The following ABHD2 variants were observed in gnomAD, a reference collection of about 807,000 sequenced individuals.
The protein encoded by ABHD2 is monoacylglycerol lipase ABHD2.
A neutral mutation model predicts 48.1 loss-of-function variants in ABHD2; 20 were observed. The ratio of observed to expected loss-of-function variants is 0.42; its 90% CI spans 0.29 to 0.60. ABHD2 has a LOEUF of 0.60. Among genes scored for constraint, ABHD2 ranks in the 20% least tolerant of loss-of-function variants. The probability of loss-of-function intolerance (pLI) is 0.24; values close to 1 mark genes in which losing one functional copy is unlikely to be tolerated. For missense variants in ABHD2, 405 were observed against 550.9 expected (o/e 0.74, Z 2.65); for synonymous variants, 209 against 214.2 (o/e 0.98, Z 0.21).
chr15:89,107,334 A>G (rs903440079), intron 1 of ABHD2, among the ~76,000 whole-genome samples: 9 of 152,192 alleles, frequency 5.9e-5, no homozygotes, highest in African/African-American at 2.2e-4. Flanking sequence ...AAGAATCAAG[A>G]AGAGTATGTC....
intron 5 of ABHD2, among the ~76,000 whole-genome samples, chr15:89,158,180 CTT>C (rs2050705218): frequency 1.3e-5 from 2 of 152,136 alleles, no homozygotes; most frequent in African/African-American, 2.4e-5. Context: ...GGCACAATCT[CTT>C]TTATCTCCAC....
intron 3 of ABHD2, among the ~76,000 whole-genome samples, chr15:89,119,526 C>G (rs746912982): frequency 6.6e-6 from 1 of 152,186 alleles, no homozygotes; most frequent in Non-Finnish European, 1.5e-5. Flanking sequence ...TTCAGTCTTA[C>G]CAACCTTAAG....
At chr15:89,158,126 G>A (rs76507207) in intron 5 of ABHD2, among the ~76,000 whole-genome samples, 1 of 152,084 alleles carries the variant, frequency 6.6e-6, no homozygotes, top group African/African-American at 2.4e-5. Context: ...TGTGCCAGTG[G>A]GAACACTTAA....
chr15:89,148,771 T>G (rs375417963), intron 3 of ABHD2, among the ~76,000 whole-genome samples: 1 of 152,204 alleles, frequency 6.6e-6, no homozygotes, highest in South Asian at 2.1e-4. Flanking sequence ...ATGGAATAAG[T>G]GGAATTATTG....
chr15:89,048,908 A>AGC, the ABHD2 span, among the ~76,000 whole-genome samples: 5 of 122,452 alleles, frequency 4.1e-5, no homozygotes, highest in African/African-American at 6.9e-5. Flanking sequence ...CGTCAAAGTC[A>AGC]TTTGTTCCGT....
intron 3 of ABHD2, among the ~76,000 whole-genome samples, chr15:89,122,854 TAGG>T (rs1306847974): frequency 2.6e-5 from 4 of 152,202 alleles, no homozygotes; most frequent in African/African-American, 7.2e-5. Context: ...TGAAGGCATT[TAGG>T]AGGAGTGTGA....
chr15:89,085,069 C>A (rs145370066), upstream of ABHD2, among the ~76,000 whole-genome samples: 5 of 152,284 alleles, frequency 3.3e-5, no homozygotes, highest in African/African-American at 1.2e-4. This position sits in a 1 kb window ranked among gnomAD's most constrained non-coding sequence, Gnocchi z 4.2. Flanking sequence ...ATATTATCTG[C>A]TCCAACCACT....
the ABHD2 span, among the ~76,000 whole-genome samples, chr15:89,043,944 G>T: frequency 1.0e-4 from 15 of 149,182 alleles, no homozygotes; most frequent in African/African-American, 3.2e-4. Context: ...GGGTACATGT[G>T]CACAATGTGC....
the ABHD2 span, among the ~76,000 whole-genome samples, chr15:89,053,362 GT>G: frequency 0.019 from 2,858 of 152,214 alleles, 88 homozygotes; most frequent in African/African-American, 0.063. Context: ...ACTAATACAG[GT>G]ATTAGAGTAC....
At chr15:89,169,383 T>C (rs2050884642) in intron 5 of ABHD2, among the ~76,000 whole-genome samples, 1 of 152,204 alleles carries the variant, frequency 6.6e-6, no homozygotes, top group South Asian at 2.1e-4. Flanking sequence ...GGCTGAACAC[T>C]GTACATCTGT....
rs979810086 is a variant in ABHD2 at position 89,151,583 on chromosome 15, A to C, written c.195-94A>C. ...TGCTTTGTGTGCAGAATTTCCCTGGAACAAAAATAGGTTGAAAGAGTTTTG... is the reference window on the plus strand; with the variant it reads ...TGCTTTGTGTGCAGAATTTCCCTGGCACAAAAATAGGTTGAAAGAGTTTTG... On this transcript the variant is annotated intron_variant, in intron 3 of 10. Coordinates refer to ENST00000352732, the MANE Select transcript of ABHD2 (RefSeq NM_152924.5). The surrounding 1 kb of genome is among the most constrained non-coding windows in gnomAD (Gnocchi z 4.7). 3 of 1,412,998 alleles carry C rather than the reference A, an allele frequency of 2.1e-6. No homozygotes were observed. The highest frequency in any genetic ancestry group is 2.7e-5 in the South Asian group (2 of 73,360). 87.5% of individuals were successfully genotyped at this position (1,412,998 alleles called of 1,614,324 possible).
At chr15:89,170,505 A>G (rs1190600475) in intron 5 of ABHD2, among the ~76,000 whole-genome samples, 2 of 152,172 alleles carry the variant, frequency 1.3e-5, no homozygotes, top group East Asian at 3.8e-4. Context: ...AAAATGCTGC[A>G]GTGAACATTC....
At chr15:89,112,051 G>T (rs1348703302) in intron 1 of ABHD2, among the ~76,000 whole-genome samples, 1 of 152,072 alleles carries the variant, frequency 6.6e-6, no homozygotes, top group African/African-American at 2.4e-5. Flanking sequence ...ATATTCAGAT[G>T]CTTACGGGGA....
At chr15:89,122,275 G>A (rs1022837438) in intron 3 of ABHD2, among the ~76,000 whole-genome samples, 3 of 152,160 alleles carry the variant, frequency 2.0e-5, no homozygotes, top group Admixed American at 1.3e-4. Context: ...CTTGTTTTAT[G>A]AGAATTTGTG....
chr15:89,122,935 T>C (rs970291284), intron 3 of ABHD2, among the ~76,000 whole-genome samples: 1 of 152,246 alleles, frequency 6.6e-6, no homozygotes, highest in Non-Finnish European at 1.5e-5. Context: ...AAGAGACATC[T>C]AGAAGCCCCT....
rs1313838249 is a variant in ABHD2 at position 89,162,038 on chromosome 15, C to T, written c.538+6504C>T. Among the ~76,000 whole-genome samples the T allele has an allele frequency of 9.9e-5, 15 of 152,248 alleles. No individual in the cohort carries two copies. In the South Asian group the frequency reaches 3.1e-3, roughly 32 times the overall value. On this transcript the variant is annotated intron_variant, in intron 5 of 10. Coordinates refer to ENST00000352732, the MANE Select transcript of ABHD2 (RefSeq NM_152924.5). ...GTGTCCTAATCTCTTCTTAAAAGGA[C>T]ACCAGTCATCCTGAATTAGGGCCCA...
the ABHD2 span, among the ~76,000 whole-genome samples, chr15:89,068,034 A>T: frequency 6.6e-6 from 1 of 152,206 alleles, no homozygotes; most frequent in South Asian, 2.1e-4. Flanking sequence ...TTCTTTCTCA[A>T]AGACCAAACC....
At position 89,201,048 on chromosome 15, in the gene ABHD2, C is replaced by T; in HGVS notation, c.*5625C>T. 4.1e-6 allele frequency: 3 copies of T among 728,998 alleles called. No homozygotes were observed. Among genetic ancestry groups the T allele is most frequent in the Non-Finnish European group, 7.3e-6 (3 of 411,002 alleles). The allele number at this position is 728,998 out of a possible 1,614,324, so 45.2% of individuals were successfully genotyped here. A position where few individuals can be genotyped will look rare whatever the true frequency, so the allele number is the denominator to read the frequency against. ...AGTGAGCCGAGATCACGCCTCTGCACTCCAGCCTGGGCAACAAGAGTGAGA... is the reference window on the plus strand; with the variant it reads ...AGTGAGCCGAGATCACGCCTCTGCATTCCAGCCTGGGCAACAAGAGTGAGA... On this transcript the variant is annotated 3_prime_UTR_variant, in exon 11 of 11. Coordinates refer to ENST00000352732, the MANE Select transcript of ABHD2 (RefSeq NM_152924.5).
chr15:89,058,719 C>G, the ABHD2 span, among the ~76,000 whole-genome samples: 1 of 152,182 alleles, frequency 6.6e-6, no homozygotes, highest in South Asian at 2.1e-4. Flanking sequence ...GTGGAGCCCC[C>G]TCATGTCCAA....
Sources: gnomAD v4.1 joint callset for allele counts (sites outside exome capture counted in the v4.1 genomes callset) on GRCh38, gnomAD v4.1.1 for gene constraint, Gnocchi (gnomAD v3.1) non-coding constraint, MANE v1.5 for transcripts, NCBI Gene and HGNC (gene_info 2026-07-23, HGNC 2026-07-21) for gene names.